MYBPC1: variants seen among roughly 807,000 people sequenced by gnomAD.
The protein encoded by MYBPC1 is myosin-binding protein C, slow-type.
Under a neutral mutation model 147.1 loss-of-function variants are expected in MYBPC1, and 52 were observed. That is an observed-to-expected ratio of 0.35 (90% CI 0.28 to 0.45). The LOEUF (loss-of-function observed/expected upper bound fraction) is 0.45, where lower values mean the gene tolerates loss of function less well. MYBPC1 is among the 20% of genes least tolerant of loss of function. The pLI is 1.00. For missense variants in MYBPC1, 1,228 were observed against 1,440.3 expected (o/e 0.85, Z 2.39); for synonymous variants, 477 against 475.9 (o/e 1.00, Z -0.03).
At chr12:101,693,907 T>C in the MYBPC1 span, among the ~76,000 whole-genome samples, 4 of 152,212 alleles carry the variant, frequency 2.6e-5, no homozygotes, top group African/African-American at 4.8e-5. Context: ...CCTTTGATCA[T>C]GGCCTTCAGA....
chr12:101,659,311 G>A (rs570043810), intron 18 of MYBPC1, among the ~76,000 whole-genome samples: 58 of 152,272 alleles, frequency 3.8e-4, no homozygotes, highest in Non-Finnish European at 7.5e-4. Context: ...TGACATGTCT[G>A]CACTTGTATT....
intron 10 of MYBPC1, among the ~76,000 whole-genome samples, chr12:101,639,290 G>A (rs1442173015): frequency 6.6e-6 from 1 of 152,170 alleles, no homozygotes; most frequent in African/African-American, 2.4e-5. Flanking sequence ...GGTCTATCCC[G>A]AGGCTTGGAA....
intron 24 of MYBPC1, 31 bp downstream of exon 24, chr12:101,670,440 T>A: frequency 6.4e-7 from 1 of 1,565,842 alleles, no homozygotes; most frequent in Non-Finnish European, 8.8e-7. Flanking sequence ...CTTTTTCTCT[T>A]TAGAGGGCTG....
chr12:101,596,425 C>A (rs1176393760), intron 1 of MYBPC1, among the ~76,000 whole-genome samples: 1 of 152,222 alleles, frequency 6.6e-6, no homozygotes, highest in African/African-American at 2.4e-5. Context: ...TACTAAGTGT[C>A]CTTTTTATCT....
chr12:101,650,952 C>A (rs969572952), intron 15 of MYBPC1: 9 of 429,146 alleles, frequency 2.1e-5, no homozygotes, highest in Non-Finnish European at 3.9e-5. Context: ...ACTGAGGTAG[C>A]TGATAGATGT....
At chr12:101,637,393 A>G (rs1357221255) in intron 10 of MYBPC1, among the ~76,000 whole-genome samples, 1 of 152,100 alleles carries the variant, frequency 6.6e-6, no homozygotes, top group Non-Finnish European at 1.5e-5. Context: ...GAACATAACC[A>G]TTTTATAAGA....
chr12:101,693,292 A>G, the MYBPC1 span, among the ~76,000 whole-genome samples: 1 of 152,220 alleles, frequency 6.6e-6, no homozygotes, highest in Non-Finnish European at 1.5e-5. Flanking sequence ...TGCAAAATAT[A>G]CAAATATGCC....
chr12:101,633,141 C>A (rs1038820073), intron 8 of MYBPC1, among the ~76,000 whole-genome samples: 1 of 152,130 alleles, frequency 6.6e-6, no homozygotes, highest in African/African-American at 2.4e-5. Context: ...GGAGTGATGT[C>A]TTTAGCCGTG....
At chr12:101,660,877 C>G (rs1169399520) in intron 19 of MYBPC1, among the ~76,000 whole-genome samples, 2 of 152,110 alleles carry the variant, frequency 1.3e-5, no homozygotes, top group African/African-American at 4.8e-5. Context: ...GAGACTTACT[C>G]ACTACCACGA....
intron 18 of MYBPC1, among the ~76,000 whole-genome samples, chr12:101,653,784 G>A (rs971621226): frequency 1.6e-4 from 24 of 152,194 alleles, no homozygotes; most frequent in African/African-American, 5.5e-4. Context: ...AGCCAGCATG[G>A]CTGGGGCAAA....
intron 19 of MYBPC1, among the ~76,000 whole-genome samples, chr12:101,660,723 AATGGACTCACAGTTCC>A (rs139244002): frequency 0.67 from 101,659 of 151,630 alleles, 35,018 homozygotes; most frequent in Admixed American, 0.8. Flanking sequence ...AAAGAGGTTT[AATGGACTCACAGTTCC>A]TTGTAGCTGG....
chr12:101,617,075 A>C, intron 2 of MYBPC1, 127 bp from the exon 3 acceptor site: 1 of 787,840 alleles, frequency 1.3e-6, no homozygotes. Flanking sequence ...CAGCACGAGT[A>C]TTCAGTATCA....
rs144574703 is a variant in MYBPC1 at position 101,676,812 on chromosome 12, G to A, written c.2950-423G>A. 7.4e-3 allele frequency among the ~76,000 whole-genome samples: 1,131 copies of A among 152,194 alleles called. 18 individuals are homozygous for A. The highest frequency in any genetic ancestry group is 0.026 in the African/African-American group (1,090 of 41,520). On this transcript the variant is annotated intron_variant, in intron 26 of 31. Coordinates refer to ENST00000361466, the MANE Select transcript of MYBPC1 (RefSeq NM_002465.4). ...ACTGGATATTACTAATGTTTCTCTA[G>A]TGATTTAGCTTCAGGTCTTTCTCAT...
intron 1 of MYBPC1, among the ~76,000 whole-genome samples, chr12:101,608,389 A>G (rs556425280): frequency 7.2e-4 from 109 of 152,260 alleles, no homozygotes; most frequent in African/African-American, 2.6e-3. Flanking sequence ...TCCTGTTAGC[A>G]TGTTTTCTAA....
rs142561841 is a variant in MYBPC1, at chr12:101,683,049, C to A, written c.3492+387C>A. Among the ~76,000 whole-genome samples the A allele has an allele frequency of 3.6e-3, 550 of 152,254 alleles. 6 individuals carry two copies. The highest frequency in any genetic ancestry group is 0.012 in the African/African-American group (512 of 41,546). ...GTTGACAGCATAGTTTCCTTACATT[C>A]ATGATGCAATTCAGAGAACTGAACA... is the stretch of plus-strand genomic sequence containing the variant. On this transcript the variant is annotated intron_variant, in intron 30 of 31. Coordinates refer to ENST00000361466, the MANE Select transcript of MYBPC1 (RefSeq NM_002465.4).
At chr12:101,620,572 A>T (rs1887141889) in intron 3 of MYBPC1, among the ~76,000 whole-genome samples, 1 of 152,166 alleles carries the variant, frequency 6.6e-6, no homozygotes, top group Non-Finnish European at 1.5e-5. Context: ...GTGGGTGATC[A>T]AGTGGGATCA....
In MYBPC1 at chr12:101,685,766, C is replaced by T. The variant is rs1951316308; in HGVS notation, c.*204C>T. 1 of 989,560 alleles carries T rather than the reference C, an allele frequency of 1.0e-6. No individual in the cohort carries two copies. 61.3% of individuals were successfully genotyped at this position (989,560 alleles called of 1,614,324 possible). ...GAAAAAGCATTTTCTGTTTTCCCAC[C>T]AGGCCCCCAAGTGTGGTCTTTTTCT... On this transcript the variant is annotated 3_prime_UTR_variant, in exon 32 of 32. Coordinates refer to ENST00000361466, the MANE Select transcript of MYBPC1 (RefSeq NM_002465.4).
chr12:101,662,465 G>A lies in MYBPC1; in HGVS notation c.2140G>A (p.Ala714Thr). The change falls in exon 21 of 32, where the codon GCC (alanine) becomes ACC (threonine). Residue 714 changes from alanine (A) to threonine (T), a missense_variant. By Grantham distance (58) the Ala-to-Thr change is moderately conservative. Around this residue, in one of 2 missense-constraint regions of MYBPC1, gnomAD observed 1,077 missense variants for 1,314.2 expected, o/e 0.82. Transcript: ENST00000361466. ...GCCCAAGAAGATGATTGAAGGTGTG[G>A]CCTATGAGGTCCGCATCTTTGCAGT... ...FEPKKMIEGV[A>T]YEVRIFAVNA... The A allele has an allele frequency of 6.2e-7, 1 of 1,614,212 alleles. No homozygotes were observed. Among genetic ancestry groups the A allele is most frequent in the Non-Finnish European group, 8.5e-7 (1 of 1,180,036 alleles).
At chr12:101,621,041 T>C (rs1306647724) in intron 3 of MYBPC1, among the ~76,000 whole-genome samples, 1 of 152,204 alleles carries the variant, frequency 6.6e-6, no homozygotes, top group East Asian at 1.9e-4. Context: ...CCAACCTGAA[T>C]TATGTGATTT....
Sources: gnomAD v4.1 joint callset for allele counts (sites outside exome capture counted in the v4.1 genomes callset) on GRCh38, gnomAD v4.1.1 for gene constraint, gnomAD v4.1.1 regional missense constraint, MANE v1.5 for transcripts, NCBI Gene and HGNC (gene_info 2026-07-23, HGNC 2026-07-21) for gene names.